The following STIL variants were observed in gnomAD, a reference collection of about 807,000 sequenced individuals.
The protein encoded by STIL is SCL-interrupting locus protein.
In STIL, 55 loss-of-function variants were observed where a neutral mutation model predicts 110.1. The observed-to-expected ratio is 0.50, with a 90% CI of 0.40 to 0.63. STIL has a LOEUF of 0.63. Ranked by LOEUF, STIL falls within the 20% of genes least tolerant of loss-of-function variation. The pLI is 0.00. For synonymous variants in STIL, 481 were observed against 530.0 expected (o/e 0.91, Z 1.27); for missense variants, 1,358 against 1,530.0 (o/e 0.89, Z 1.87).
At chr1:47,287,096 T>C (rs1645324568) in intron 10 of STIL, among the ~76,000 whole-genome samples, 1 of 151,948 alleles carries the variant, frequency 6.6e-6, no homozygotes, top group Non-Finnish European at 1.5e-5. Flanking sequence ...GGGACGATGG[T>C]TCACACACGT....
At chr1:47,311,283 CTTTTTTTTT>C (rs536667689) in intron 1 of STIL, among the ~76,000 whole-genome samples, 2 of 132,220 alleles carry the variant, frequency 1.5e-5, no homozygotes, top group East Asian at 2.1e-4. Context: ...TTCTTTTTTT[CTTTTTTTTT>C]TTTTTTTGAA....
intron 16 of STIL, among the ~76,000 whole-genome samples, chr1:47,256,190 T>G (rs1418186095): frequency 6.6e-6 from 1 of 152,124 alleles, no homozygotes; most frequent in African/African-American, 2.4e-5. Flanking sequence ...ATACTGACAG[T>G]AAATACTACA....
intron 14 of STIL, among the ~76,000 whole-genome samples, chr1:47,266,584 G>C (rs1053682717): frequency 6.6e-6 from 1 of 152,138 alleles, no homozygotes; most frequent in Non-Finnish European, 1.5e-5. Flanking sequence ...GCCTGGTCTT[G>C]AATTTCAAAT....
intron 12 of STIL, among the ~76,000 whole-genome samples, chr1:47,274,637 G>C (rs186595348): frequency 6.7e-6 from 1 of 149,496 alleles, no homozygotes; most frequent in East Asian, 2.0e-4. Flanking sequence ...AACTTTTAGG[G>C]ATCATTTGGC....
chr1:47,288,441 C>A (rs781130927), intron 9 of STIL, among the ~76,000 whole-genome samples: 3 of 151,990 alleles, frequency 2.0e-5, no homozygotes, highest in Admixed American at 6.6e-5. Context: ...GGATTACAGG[C>A]ACCTGGCACT....
intron 14 of STIL, among the ~76,000 whole-genome samples, chr1:47,265,725 G>A (rs1644630973): frequency 6.8e-6 from 1 of 146,836 alleles, no homozygotes; most frequent in Middle Eastern, 3.8e-3. Context: ...AGGGTGCAGT[G>A]AGCTGAGCTG....
chr1:47,275,188 C>T (rs551803359), intron 12 of STIL, among the ~76,000 whole-genome samples: 5 of 150,148 alleles, frequency 3.3e-5, no homozygotes, highest in East Asian at 3.9e-4. Context: ...CTAAATCATT[C>T]GTAAAAAGAT....
intron 8 of STIL, among the ~76,000 whole-genome samples, chr1:47,292,931 TAC>T (rs2149106759): frequency 6.6e-6 from 1 of 152,264 alleles, no homozygotes; most frequent in Non-Finnish European, 1.5e-5. Context: ...GAGAGACAAA[TAC>T]TGACAAAGAT....
chr1:47,298,993 C>T (rs1645721313), intron 6 of STIL, among the ~76,000 whole-genome samples: 1 of 151,454 alleles, frequency 6.6e-6, no homozygotes, highest in Admixed American at 6.6e-5. Flanking sequence ...TCGTGATCCA[C>T]CCGCCTCGGC....
In STIL at chr1:47,301,744, T is replaced by A. The variant is rs757504293; in HGVS notation, c.270A>T (p.Glu90Asp). The A allele has an allele frequency of 1.2e-6, 2 of 1,613,804 alleles. No homozygotes were observed. The highest frequency in any genetic ancestry group is 1.7e-6 in the Non-Finnish European group (2 of 1,179,960). Reference sequence around the variant, plus strand: ...GATCTACTGTCAATGTTACACCTTCTTCATCTGTAGAACAAAAATAACAGC... The same window carrying A: ...GATCTACTGTCAATGTTACACCTTCATCATCTGTAGAACAAAAATAACAGC... ...LLGSLTADED[E>D]EGVTLTVDRF... is the part of the protein sequence containing the mutation. Residue 90 changes from glutamate (E) to aspartate (D), a missense_variant, in exon 5 of 17, where the codon GAA (glutamate) becomes GAT (aspartate). Transcript: ENST00000371877.
intron 3 of STIL, 83 bp downstream of exon 3, chr1:47,304,806 C>A: frequency 1.9e-6 from 2 of 1,030,618 alleles, no homozygotes; most frequent in South Asian, 1.4e-5. Context: ...AATAATTGGT[C>A]ATAGTAATCA....
At chr1:47,286,031 C>T (rs951462824) in intron 10 of STIL, among the ~76,000 whole-genome samples, 2 of 151,280 alleles carry the variant, frequency 1.3e-5, no homozygotes, top group South Asian at 4.2e-4. Flanking sequence ...CGCTCCAGTG[C>T]GTCCGGCTAA....
chr1:47,267,434 G>A (rs1269912061), intron 14 of STIL, among the ~76,000 whole-genome samples: 1 of 152,092 alleles, frequency 6.6e-6, no homozygotes, highest in Non-Finnish European at 1.5e-5. Flanking sequence ...GCCAGGTGCA[G>A]TGGCTCATAC....
intron 10 of STIL, among the ~76,000 whole-genome samples, chr1:47,285,724 G>T (rs1239246177): frequency 6.6e-6 from 1 of 152,062 alleles, no homozygotes; most frequent in Admixed American, 6.6e-5. Context: ...CTCCCAAAGT[G>T]CTGGGATTAC....
At chr1:47,288,167 T>TA (rs1645361616) in intron 9 of STIL, among the ~76,000 whole-genome samples, 1 of 151,164 alleles carries the variant, frequency 6.6e-6, no homozygotes, top group South Asian at 2.1e-4. Flanking sequence ...CGTGGTTATT[T>TA]AAAAGTATTC....
rs201948917 is a variant in STIL, at chr1:47,263,035, C to T, written c.2697G>A (p.Met899Ile). Residue 899 changes from methionine to isoleucine, a missense_variant, in exon 15 of 17, where the codon ATG becomes ATA. Transcript: ENST00000371877. ...CCCCTGTTGGTCCAGTCTGTAAACA[C>T]ATGCTTACACTTTCTGCCAGCTGGC... is the stretch of plus-strand genomic sequence containing the variant. ...PSGQLAESVS[M>I]CLQTGPTGGA... 69 of 1,614,150 alleles carry T rather than the reference C, an allele frequency of 4.3e-5. No individual in the cohort carries two copies. The highest frequency in any genetic ancestry group is 5.6e-5 in the Non-Finnish European group (66 of 1,180,002).
chr1:47,299,673 G>A (rs1043985987), intron 6 of STIL: 3 of 452,314 alleles, frequency 6.6e-6, no homozygotes, highest in Non-Finnish European at 1.2e-5. Context: ...GATTACAGGT[G>A]TGAGCCACTG....
At chr1:47,290,268 A>C (rs1645441640) in intron 8 of STIL, among the ~76,000 whole-genome samples, 1 of 152,222 alleles carries the variant, frequency 6.6e-6, no homozygotes, top group South Asian at 2.1e-4. Flanking sequence ...TGACTAAAAA[A>C]CAGTAAGTCT....
At chr1:47,310,134 A>G in intron 2 of STIL, 142 bp downstream of exon 2, 1 of 671,324 alleles carries the variant, frequency 1.5e-6, no homozygotes, top group Non-Finnish European at 2.5e-6. Flanking sequence ...GATCACGGTC[A>G]CCCACCTAAC....
Sources: allele counts gnomAD v4.1 joint callset (sites outside exome capture counted in the v4.1 genomes callset), GRCh38; gene constraint gnomAD v4.1.1; transcripts MANE v1.5; gene names NCBI Gene and HGNC (gene_info 2026-07-23, HGNC 2026-07-21).